Variants in FRMPD4 observed in about 807,000 individuals in gnomAD.
FRMPD4 encodes FERM and PDZ domain containing 4.
In FRMPD4, 22 loss-of-function variants were observed where a neutral mutation model predicts 94.1. That is an observed-to-expected ratio of 0.23 (90% CI 0.17 to 0.33). FRMPD4 has a LOEUF of 0.33. FRMPD4 is among the 10% of genes least tolerant of loss of function. FRMPD4 has a pLI of 1.00. For synonymous variants in FRMPD4, 631 were observed against 548.6 expected (o/e 1.15, Z -2.10); for missense variants, 1,111 against 1,339.9 (o/e 0.83, Z 2.67).
intron 2 of FRMPD4, among the ~76,000 whole-genome samples, chrX:11,867,395 A>G (rs913144094): frequency 1.8e-5 from 2 of 111,544 alleles, no homozygotes; most frequent in African/African-American, 3.3e-5. Context: ...AGTTACAGCT[A>G]GATAATATAA....
At chrX:12,069,492 AC>A (rs2054948326) in intron 3 of FRMPD4, among the ~76,000 whole-genome samples, 1 of 112,095 alleles carries the variant, frequency 8.9e-6, no homozygotes, top group African/African-American at 3.2e-5. Context: ...CCGAGAAGTC[AC>A]CAAACAGTGG....
chrX:12,504,413 C>T (rs898429505), intron 2 of FRMPD4, among the ~76,000 whole-genome samples: 1 of 112,429 alleles, frequency 8.9e-6, no homozygotes, highest in Non-Finnish European at 1.9e-5. Flanking sequence ...TCATTTGGTT[C>T]AATGAGTTCC....
intron 1 of FRMPD4, among the ~76,000 whole-genome samples, chrX:12,265,761 C>CA (rs1555943546): frequency 1.8e-5 from 2 of 109,477 alleles, no homozygotes; most frequent in African/African-American, 6.7e-5. Context: ...AACCCCCCCC[C>CA]AAAACTGCAC....
intron 1 of FRMPD4, among the ~76,000 whole-genome samples, chrX:12,440,004 G>T (rs181681236): frequency 5.1e-4 from 57 of 111,657 alleles, no homozygotes; most frequent in African/African-American, 1.8e-3. Flanking sequence ...CCCGTATGAC[G>T]TTTAAAAAGT....
intron 3 of FRMPD4, among the ~76,000 whole-genome samples, chrX:11,918,843 A>G (rs937055333): frequency 1.8e-5 from 2 of 112,009 alleles, no homozygotes; most frequent in Non-Finnish European, 3.8e-5. Flanking sequence ...GAACGCAGAG[A>G]TAGTCATGAG....
At chrX:12,077,331 CCT>C (rs1451049066) in intron 3 of FRMPD4, among the ~76,000 whole-genome samples, 1 of 111,893 alleles carries the variant, frequency 8.9e-6, no homozygotes, top group Non-Finnish European at 1.9e-5. Context: ...TTTCATCTGA[CCT>C]CTCTTTGAAT....
intron 3 of FRMPD4, among the ~76,000 whole-genome samples, chrX:11,892,911 G>A (rs1366841197): frequency 5.4e-5 from 6 of 111,901 alleles, no homozygotes; most frequent in African/African-American, 1.6e-4. Flanking sequence ...ACGTATACCC[G>A]GACGTCAAAA....
At chrX:12,091,312 CT>C (rs2055152092) in intron 3 of FRMPD4, among the ~76,000 whole-genome samples, 1 of 111,912 alleles carries the variant, frequency 8.9e-6, no homozygotes, top group Non-Finnish European at 1.9e-5. Context: ...GAGCAACAAA[CT>C]TTGTCTGAGA....
At chrX:12,406,063 T>G (rs1205026722) in intron 1 of FRMPD4, among the ~76,000 whole-genome samples, 1 of 111,080 alleles carries the variant, frequency 9.0e-6, no homozygotes, top group African/African-American at 3.3e-5. Context: ...AGAGGACATT[T>G]GGCAGTGTCT....
intron 3 of FRMPD4, among the ~76,000 whole-genome samples, chrX:12,005,763 T>C (rs1384949784): frequency 2.2e-3 from 245 of 109,729 alleles, no homozygotes; most frequent in African/African-American, 7.8e-3. Context: ...GTTCCCAGAA[T>C]TGTGACAGAA....
intron 8 of FRMPD4, among the ~76,000 whole-genome samples, chrX:12,691,166 T>C (rs1164566313): frequency 8.9e-6 from 1 of 112,301 alleles, no homozygotes; most frequent in Non-Finnish European, 1.9e-5. Flanking sequence ...CAGTCCAACT[T>C]TTTGTAATAG....
chrX:12,182,570 A>C (rs188303268), intron 1 of FRMPD4, among the ~76,000 whole-genome samples: 56 of 108,603 alleles, frequency 5.2e-4, no homozygotes, highest in Non-Finnish European at 7.4e-4. Context: ...AAATAAATAA[A>C]TAAATAAATA....
intron 9 of FRMPD4, 82 bp downstream of exon 9, chrX:12,694,536 G>A (rs2060108963): frequency 1.2e-5 from 9 of 738,371 alleles, no homozygotes; most frequent in Admixed American, 1.1e-4. Context: ...TCTTTAACTT[G>A]AAATCTTTCT....
intron 2 of FRMPD4, among the ~76,000 whole-genome samples, chrX:12,545,110 CTCT>C (rs1473555336): frequency 1.8e-5 from 2 of 111,922 alleles, no homozygotes; most frequent in African/African-American, 6.5e-5. Flanking sequence ...ACTGGTAAGC[CTCT>C]TCTGTTAGCA....
chrX:12,076,589 A>G (rs1461906460), intron 3 of FRMPD4, among the ~76,000 whole-genome samples: 1 of 110,879 alleles, frequency 9.0e-6, no homozygotes, highest in East Asian at 2.8e-4. Flanking sequence ...AATACCTGCT[A>G]TTCCCACTTT....
chrX:12,408,771 T>G (rs1003357877), intron 1 of FRMPD4, among the ~76,000 whole-genome samples: 8 of 111,726 alleles, frequency 7.2e-5, no homozygotes, highest in African/African-American at 2.6e-4. Context: ...CTCAAACAAT[T>G]CAAGGAACAG....
chrX:12,316,751 A>ACAAAT (rs1437823575), intron 1 of FRMPD4, among the ~76,000 whole-genome samples: 4 of 108,350 alleles, frequency 3.7e-5, no homozygotes, highest in African/African-American at 1.4e-4. Context: ...ACAAAACAAA[A>ACAAAT]CCCAGAGTTG....
At chrX:11,910,518 A>G (rs2053991144) in intron 3 of FRMPD4, among the ~76,000 whole-genome samples, 1 of 111,095 alleles carries the variant, frequency 9.0e-6, no homozygotes, top group Non-Finnish European at 1.9e-5. Flanking sequence ...GGTTCAAGCT[A>G]TTCTTGTGCC....
At chrX:12,605,692 G>C (rs756976153) in intron 2 of FRMPD4, among the ~76,000 whole-genome samples, 1 of 110,620 alleles carries the variant, frequency 9.0e-6, no homozygotes, top group African/African-American at 3.3e-5. Context: ...GCAGGTTCAC[G>C]TCAGGCACGT....
Sources: allele counts gnomAD v4.1 joint callset (sites outside exome capture counted in the v4.1 genomes callset), GRCh38; gene constraint gnomAD v4.1.1; transcripts MANE v1.5; gene names NCBI Gene and HGNC (gene_info 2026-07-23, HGNC 2026-07-21).